Variants in HS6ST3 observed in about 807,000 individuals in gnomAD.
HS6ST3 encodes the protein heparan-sulfate 6-O-sulfotransferase 3.
In HS6ST3, 12 loss-of-function variants were observed where a neutral mutation model predicts 36.7. That is an observed-to-expected ratio of 0.33 (90% confidence interval 0.21 to 0.53). The LOEUF is 0.53. HS6ST3 is among the 20% of genes least tolerant of loss of function. The pLI, the probability that HS6ST3 is intolerant of heterozygous loss-of-function variation, is 0.95. For missense variants in HS6ST3, 584 were observed against 640.9 expected, an observed-to-expected ratio of 0.91 and a Z score of 0.96; for synonymous variants, 240 against 257.5, an observed-to-expected ratio of 0.93 and a Z score of 0.65.
At chr13:96,581,409 A>G (rs2138969059) in intron 1 of HS6ST3, among the ~76,000 whole-genome samples, 1 of 151,938 alleles carries the variant, frequency 6.6e-6, no homozygotes, top group East Asian at 2.0e-4. Flanking sequence ...TTTTTAGTAG[A>G]GACAGGGTTT....
At chr13:96,639,221 A>G (rs1427381384) in intron 1 of HS6ST3, among the ~76,000 whole-genome samples, 1 of 152,018 alleles carries the variant, frequency 6.6e-6, no homozygotes, top group East Asian at 1.9e-4. Context: ...TGTTAGGTCC[A>G]TATATGTTTA....
intron 1 of HS6ST3, among the ~76,000 whole-genome samples, chr13:96,799,949 T>C (rs1222504413): frequency 5.6e-5 from 5 of 89,770 alleles, no homozygotes. Context: ...TGTGTGTATA[T>C]ATATATATAT....
chr13:96,557,737 ATAG>A (rs546288612), intron 1 of HS6ST3, among the ~76,000 whole-genome samples: 47 of 152,318 alleles, frequency 3.1e-4, no homozygotes, highest in Non-Finnish European at 5.4e-4. Context: ...TATCATGATA[ATAG>A]TATTTTCAGT....
At chr13:96,806,084 T>C (rs1878192321) in intron 1 of HS6ST3, among the ~76,000 whole-genome samples, 1 of 152,174 alleles carries the variant, frequency 6.6e-6, no homozygotes, top group Non-Finnish European at 1.5e-5. Flanking sequence ...GAATTGCAGG[T>C]GTCAATATCA....
intron 1 of HS6ST3, among the ~76,000 whole-genome samples, chr13:96,141,056 T>A (rs115693353): frequency 0.02 from 3,064 of 152,230 alleles, 88 homozygotes; most frequent in African/African-American, 0.068. Flanking sequence ...GACAAAAGTG[T>A]CCTATTCTGG....
chr13:96,596,960 A>G (rs1053089345), intron 1 of HS6ST3, among the ~76,000 whole-genome samples: 1 of 152,184 alleles, frequency 6.6e-6, no homozygotes, highest in Non-Finnish European at 1.5e-5. Context: ...AGCCTAGATA[A>G]ATAAAATGTG....
chr13:96,360,491 G>T (rs1490747989), intron 1 of HS6ST3, among the ~76,000 whole-genome samples: 1 of 151,900 alleles, frequency 6.6e-6, no homozygotes, highest in East Asian at 1.9e-4. Context: ...GGCCAGGGAA[G>T]GGTGCTGAAA....
In HS6ST3 at chr13:96,363,777, G is replaced by A. The variant is rs968911139; in HGVS notation, c.707+272208G>A. 2.6e-5 allele frequency among the ~76,000 whole-genome samples: 4 copies of A among 152,034 alleles called. No homozygotes were observed. The East Asian group carries it at 7.7e-4, about 29-fold the overall frequency. ...AGATGAGAGAAACAAAAGATGAGAA[G>A]GAAAGGGTGAGATGAAAATAAAGTT... On this transcript the variant is annotated intron_variant, in intron 1 of 1. Coordinates refer to ENST00000376705, the MANE Select transcript of HS6ST3 (RefSeq NM_153456.4).
At chr13:96,356,465 T>C (rs2055210595) in intron 1 of HS6ST3, among the ~76,000 whole-genome samples, 1 of 152,226 alleles carries the variant, frequency 6.6e-6, no homozygotes, top group Non-Finnish European at 1.5e-5. Flanking sequence ...ATGGATGTTG[T>C]GTTAGCAGTA....
At chr13:96,439,258 A>G (rs538419316) in intron 1 of HS6ST3, among the ~76,000 whole-genome samples, 27 of 152,296 alleles carry the variant, frequency 1.8e-4, no homozygotes, top group African/African-American at 5.1e-4. Flanking sequence ...GAAACATACA[A>G]TAACACCATT....
rs2055059091 is a variant in HS6ST3 at position 96,330,350 on chromosome 13, C to T, written c.707+238781C>T. Among the ~76,000 whole-genome samples, 4 of 151,186 alleles carry T rather than the reference C, an allele frequency of 2.6e-5. No homozygotes were observed. In the South Asian group the frequency reaches 8.5e-4, roughly 32 times the overall value. ...TGTTCCTTTCCATGTTTAGCGCTTCCTTCAGGAGCTCTTTTAGGGCAGGCC... is the reference window on the plus strand; with the variant it reads ...TGTTCCTTTCCATGTTTAGCGCTTCTTTCAGGAGCTCTTTTAGGGCAGGCC... On this transcript the variant is annotated intron_variant, in intron 1 of 1. Coordinates refer to ENST00000376705, the MANE Select transcript of HS6ST3 (RefSeq NM_153456.4).
intron 1 of HS6ST3, among the ~76,000 whole-genome samples, chr13:96,687,576 A>G (rs1036792642): frequency 2.0e-5 from 3 of 151,994 alleles, no homozygotes; most frequent in Non-Finnish European, 4.4e-5. Flanking sequence ...AGATCTCTGA[A>G]AAATATGAAG....
chr13:96,455,878 CAG>C (rs1223149570), intron 1 of HS6ST3, among the ~76,000 whole-genome samples: 2 of 152,164 alleles, frequency 1.3e-5, no homozygotes, highest in African/African-American at 4.8e-5. Context: ...TTTTGTGAAA[CAG>C]AGGTAGCCAG....
At chr13:96,381,890 A>C (rs1013460698) in intron 1 of HS6ST3, among the ~76,000 whole-genome samples, 4 of 152,168 alleles carry the variant, frequency 2.6e-5, no homozygotes, top group Non-Finnish European at 5.9e-5. Flanking sequence ...TCTTAGTTAC[A>C]GATTCTCACA....
At chr13:96,385,565 A>C (rs961392274) in intron 1 of HS6ST3, among the ~76,000 whole-genome samples, 3 of 152,194 alleles carry the variant, frequency 2.0e-5, no homozygotes, top group African/African-American at 7.2e-5. Flanking sequence ...ACCACAGAGA[A>C]GTTACCTGCC....
chr13:96,788,556 TC>T (rs1877709626), intron 1 of HS6ST3, among the ~76,000 whole-genome samples: 1 of 151,920 alleles, frequency 6.6e-6, no homozygotes, highest in Non-Finnish European at 1.5e-5. Flanking sequence ...GGGAATTAGA[TC>T]CATTGGTTGA....
At position 96,387,063 on chromosome 13, in the gene HS6ST3, G is replaced by A. The variant is rs146272827; in HGVS notation, c.707+295494G>A. On this transcript the variant is annotated intron_variant, in intron 1 of 1. Transcript: ENST00000376705. ...CGTGCTTCAGGTTTCTGGGTACCTG[G>A]GACCACAGGCATGTGCCACCATGCC... is the stretch of plus-strand genomic sequence containing the variant. Among the ~76,000 whole-genome samples, 121 of 152,150 alleles carry A rather than the reference G, an allele frequency of 8.0e-4. 3 individuals are homozygous for A. Among genetic ancestry groups the A allele is most frequent in the African/African-American group, 2.8e-3 (118 of 41,510 alleles).
At chr13:96,477,510 TTCAA>T in intron 1 of HS6ST3, among the ~76,000 whole-genome samples, 2 of 152,268 alleles carry the variant, frequency 1.3e-5, no homozygotes, top group East Asian at 3.9e-4. Flanking sequence ...ACACCTTTGG[TTCAA>T]TCAAAGAAGT....
chr13:96,708,640 A>G (rs1875486835), intron 1 of HS6ST3, among the ~76,000 whole-genome samples: 1 of 152,160 alleles, frequency 6.6e-6, no homozygotes, highest in Non-Finnish European at 1.5e-5. Flanking sequence ...CTGAAACCTA[A>G]TTCACTCCAG....
Sources: gnomAD v4.1 joint callset for allele counts (sites outside exome capture counted in the v4.1 genomes callset) on GRCh38, gnomAD v4.1.1 for gene constraint, MANE v1.5 for transcripts, NCBI Gene and HGNC (gene_info 2026-07-23, HGNC 2026-07-21) for gene names.